ATG5: variants seen among roughly 807,000 people sequenced by gnomAD.
The protein encoded by ATG5 is autophagy related 5, also known as autophagy protein 5.
In ATG5, 14 loss-of-function variants were observed where a neutral mutation model predicts 36.5. The ratio of observed to expected loss-of-function variants is 0.38; its 90% confidence interval spans 0.25 to 0.60. ATG5 has a LOEUF of 0.60. Ranked by LOEUF, ATG5 falls within the 20% of genes least tolerant of loss-of-function variation. The pLI, the probability that ATG5 is intolerant of heterozygous loss-of-function variation, is 0.60. For missense variants in ATG5, 195 were observed against 326.7 expected, an observed-to-expected ratio of 0.60 and a Z score of 3.11; for synonymous variants, 95 against 101.5, an observed-to-expected ratio of 0.94 and a Z score of 0.38.
intron 3 of ATG5, chr6:106,304,229 T>C (rs1582677376): frequency 6.6e-6 from 1 of 152,126 alleles, no homozygotes; most frequent in Non-Finnish European, 1.5e-5. Flanking sequence ...GAGATTAGCA[T>C]GGCCCTGCAC....
chr6:106,209,612 G>C (rs1192688258), intron 6 of ATG5, among the ~76,000 whole-genome samples: 1 of 152,140 alleles, frequency 6.6e-6, no homozygotes, highest in African/African-American at 2.4e-5. Flanking sequence ...TTTGAATATA[G>C]GGTGAATTTA....
intron 4 of ATG5, among the ~76,000 whole-genome samples, chr6:106,285,063 C>G (rs1780024800): frequency 6.6e-6 from 1 of 152,292 alleles, no homozygotes; most frequent in African/African-American, 2.4e-5. Flanking sequence ...TACATGCAGA[C>G]TGCCTGATAT....
intron 5 of ATG5, among the ~76,000 whole-genome samples, chr6:106,276,302 A>C (rs1042243552): frequency 6.6e-6 from 1 of 152,072 alleles, no homozygotes; most frequent in Non-Finnish European, 1.5e-5. Context: ...GTCTCTACTA[A>C]AAATACAAAA....
chr6:106,258,104 T>A (rs1292500966), intron 5 of ATG5, among the ~76,000 whole-genome samples: 4 of 152,160 alleles, frequency 2.6e-5, no homozygotes, highest in African/African-American at 4.8e-5. Context: ...TTTGCACTTG[T>A]AATGCTTGAT....
At chr6:106,230,850 T>C (rs939624445) in intron 6 of ATG5, among the ~76,000 whole-genome samples, 5 of 152,184 alleles carry the variant, frequency 3.3e-5, no homozygotes, top group Non-Finnish European at 5.9e-5. Context: ...ATCTTACAGC[T>C]AGACCTCTTT....
intron 5 of ATG5, among the ~76,000 whole-genome samples, chr6:106,268,888 G>A (rs1779329657): frequency 1.3e-5 from 2 of 151,670 alleles, no homozygotes. Context: ...GGTGGGTTGG[G>A]GGCAAGCAGA....
At chr6:106,201,035 T>C (rs912009021) in intron 7 of ATG5, among the ~76,000 whole-genome samples, 1 of 152,218 alleles carries the variant, frequency 6.6e-6, no homozygotes, top group African/African-American at 2.4e-5. Flanking sequence ...CTTTAAATCA[T>C]TCATCTCTAG....
At chr6:106,297,601 AAT>A (rs1317156002) in intron 3 of ATG5, among the ~76,000 whole-genome samples, 1 of 152,098 alleles carries the variant, frequency 6.6e-6, no homozygotes, top group African/African-American at 2.4e-5. Flanking sequence ...AAACTAGAAA[AAT>A]ATGAAATGAA....
At chr6:106,240,063 G>A (rs1373968370) in intron 6 of ATG5, among the ~76,000 whole-genome samples, 4 of 151,724 alleles carry the variant, frequency 2.6e-5, no homozygotes, top group Non-Finnish European at 5.9e-5. Context: ...CATGATCATG[G>A]CTCACTGCAG....
intron 6 of ATG5, among the ~76,000 whole-genome samples, chr6:106,230,337 T>C (rs911772587): frequency 1.3e-5 from 2 of 152,226 alleles, no homozygotes; most frequent in Non-Finnish European, 2.9e-5. Context: ...TGCATCTTGA[T>C]GGAGCAGCTG....
intron 1 of ATG5, among the ~76,000 whole-genome samples, chr6:106,321,387 C>G (rs2114690417): frequency 6.7e-6 from 1 of 149,110 alleles, no homozygotes; most frequent in South Asian, 2.1e-4. Context: ...GAGACGGAGT[C>G]TCGCTCTGTC....
At chr6:106,227,971 C>T (rs1401913450) in intron 6 of ATG5, among the ~76,000 whole-genome samples, 3 of 152,164 alleles carry the variant, frequency 2.0e-5, no homozygotes, top group Non-Finnish European at 2.9e-5. Context: ...GTAAAACAAA[C>T]AGGGAAATAA....
intron 7 of ATG5, among the ~76,000 whole-genome samples, chr6:106,200,702 G>C (rs759309254): frequency 2.6e-5 from 4 of 152,016 alleles, no homozygotes; most frequent in Non-Finnish European, 5.9e-5. Context: ...GGATGGTCTC[G>C]ATCTCCTGAC....
At chr6:106,250,795 C>T (rs1281711357) in intron 5 of ATG5, among the ~76,000 whole-genome samples, 1 of 152,182 alleles carries the variant, frequency 6.6e-6, no homozygotes, top group Non-Finnish European at 1.5e-5. Context: ...TAAAAGTAAA[C>T]TGGAAAAAGA....
intron 6 of ATG5, among the ~76,000 whole-genome samples, chr6:106,238,983 T>C (rs1778002554): frequency 6.6e-6 from 1 of 152,162 alleles, no homozygotes; most frequent in Non-Finnish European, 1.5e-5. Context: ...CATTTCTAAT[T>C]AGAAACGCTA....
At chr6:106,198,720 T>A (rs951500002) in intron 7 of ATG5, among the ~76,000 whole-genome samples, 1 of 151,390 alleles carries the variant, frequency 6.6e-6, no homozygotes, top group African/African-American at 2.4e-5. Context: ...AGGTTGCAGT[T>A]AGCCAAGATT....
intron 6 of ATG5, among the ~76,000 whole-genome samples, chr6:106,222,902 G>A (rs1777306177): frequency 6.6e-6 from 1 of 152,068 alleles, no homozygotes; most frequent in South Asian, 2.1e-4. Context: ...ATTCAATAAA[G>A]CGCAATAAAT....
At chr6:106,246,983 A>T (rs1289311555) in intron 6 of ATG5, among the ~76,000 whole-genome samples, 1 of 152,236 alleles carries the variant, frequency 6.6e-6, no homozygotes, top group Admixed American at 6.5e-5. Flanking sequence ...AAAAATATGG[A>T]CTATTTGAAA....
At chr6:106,323,676 C>A (rs1035266528) in intron 1 of ATG5, among the ~76,000 whole-genome samples, 1 of 152,228 alleles carries the variant, frequency 6.6e-6, no homozygotes, top group African/African-American at 2.4e-5. Flanking sequence ...CAAGTCACCT[C>A]GACCTTTAAC....
Sources: gnomAD v4.1 joint callset for allele counts (sites outside exome capture counted in the v4.1 genomes callset) on GRCh38, gnomAD v4.1.1 for gene constraint, MANE v1.5 for transcripts, NCBI Gene and HGNC (gene_info 2026-07-23, HGNC 2026-07-21) for gene names.